The following NOX4 variants were observed in gnomAD, a reference collection of about 807,000 sequenced individuals.
NOX4 encodes the protein NADPH oxidase 4, also known as kidney oxidase-1.
NOX4 carries 69 observed loss-of-function variants against 87.6 expected under a neutral mutation model. The ratio of observed to expected loss-of-function variants is 0.79; its 90% CI spans 0.65 to 0.96. NOX4 has a LOEUF of 0.96. Among genes scored for constraint, NOX4 ranks in the 40% least tolerant of loss-of-function variants. NOX4 has a pLI of 0.00. For missense variants in NOX4, 680 were observed against 681.5 expected (o/e 1.00, Z 0.02); for synonymous variants, 275 against 238.2 (o/e 1.15, Z -1.42).
chr11:89,432,353 A>G (rs564657908), intron 7 of NOX4, among the ~76,000 whole-genome samples: 2 of 152,008 alleles, frequency 1.3e-5, no homozygotes, highest in Admixed American at 1.3e-4. Context: ...GTATAATAAT[A>G]AAAAAATAAA....
chr11:89,520,833 G>A, the NOX4 span, among the ~76,000 whole-genome samples: 1 of 152,062 alleles, frequency 6.6e-6, no homozygotes, highest in Non-Finnish European at 1.5e-5. Context: ...CTGATAAATG[G>A]CTTTAGTAAA....
the NOX4 span, among the ~76,000 whole-genome samples, chr11:89,514,563 T>C: frequency 6.8e-4 from 103 of 152,158 alleles, 2 homozygotes; most frequent in South Asian, 4.3e-3. Flanking sequence ...CAAGAACAGA[T>C]AACCTTGTCC....
chr11:89,472,005 G>A (rs1470556666), intron 2 of NOX4, among the ~76,000 whole-genome samples: 1 of 152,254 alleles, frequency 6.6e-6, no homozygotes, highest in African/African-American at 2.4e-5. Flanking sequence ...GCCTCCCTAA[G>A]TTCTGGGTTT....
intron 2 of NOX4, among the ~76,000 whole-genome samples, chr11:89,474,974 G>A (rs1427425909): frequency 7.1e-6 from 1 of 141,616 alleles, no homozygotes; most frequent in African/African-American, 2.5e-5. Context: ...CAGTTTATAA[G>A]TCAGTAAATA....
At chr11:89,396,122 C>T (rs748355792) in intron 11 of NOX4, among the ~76,000 whole-genome samples, 2 of 152,222 alleles carry the variant, frequency 1.3e-5, no homozygotes, top group East Asian at 3.9e-4. Context: ...GATATTGATT[C>T]TTCCTGTCCA....
intron 11 of NOX4, among the ~76,000 whole-genome samples, chr11:89,374,385 AC>A (rs989589557): frequency 3.9e-5 from 6 of 152,150 alleles, no homozygotes; most frequent in Non-Finnish European, 8.8e-5. Context: ...AAATATGCAT[AC>A]CTTTTAAAGT....
chr11:89,364,488 C>T (rs189917740), intron 12 of NOX4, among the ~76,000 whole-genome samples: 2 of 151,900 alleles, frequency 1.3e-5, no homozygotes, highest in Admixed American at 6.6e-5. Flanking sequence ...ATCTTTTTTG[C>T]AAATATTAAG....
chr11:89,381,680 C>T (rs1940293949), intron 11 of NOX4, among the ~76,000 whole-genome samples: 1 of 136,716 alleles, frequency 7.3e-6, no homozygotes, highest in Admixed American at 8.0e-5. Flanking sequence ...AAATTTGGTG[C>T]TGTGATTTGG....
chr11:89,395,515 C>T (rs1314019767), intron 11 of NOX4, among the ~76,000 whole-genome samples: 3 of 152,084 alleles, frequency 2.0e-5, no homozygotes, highest in Non-Finnish European at 2.9e-5. Context: ...TAATTAGATC[C>T]CATTTGCCTA....
chr11:89,450,282 T>C (rs1462912748), intron 3 of NOX4, among the ~76,000 whole-genome samples: 1 of 152,206 alleles, frequency 6.6e-6, no homozygotes, highest in Non-Finnish European at 1.5e-5. Flanking sequence ...AATATAATTA[T>C]GTAGAAAGGG....
chr11:89,458,833 G>C (rs753117934), intron 2 of NOX4, among the ~76,000 whole-genome samples: 2 of 152,050 alleles, frequency 1.3e-5, no homozygotes, highest in Non-Finnish European at 2.9e-5. Context: ...CAGAGAAAAG[G>C]GAACACTTAC....
At chr11:89,485,198 A>C (rs569771948) in intron 2 of NOX4, among the ~76,000 whole-genome samples, 1 of 152,282 alleles carries the variant, frequency 6.6e-6, no homozygotes, top group Non-Finnish European at 1.5e-5. Flanking sequence ...CCAGTGTTTC[A>C]CTAGAAAGAA....
chr11:89,573,775 G>T, the NOX4 span, among the ~76,000 whole-genome samples: 1 of 152,166 alleles, frequency 6.6e-6, no homozygotes, highest in Non-Finnish European at 1.5e-5. Flanking sequence ...AACAAGTGTC[G>T]CATTCAGCTG....
chr11:89,526,657 G>A, the NOX4 span, among the ~76,000 whole-genome samples: 7 of 152,116 alleles, frequency 4.6e-5, no homozygotes, highest in East Asian at 1.4e-3. Flanking sequence ...TTTTTAAGGG[G>A]CTCTTCCCTG....
chr11:89,553,326 G>A, the NOX4 span, among the ~76,000 whole-genome samples: 1 of 152,068 alleles, frequency 6.6e-6, no homozygotes, highest in African/African-American at 2.4e-5. Context: ...ACAGGATCTG[G>A]TTGTTTGATA....
intron 17 of NOX4, among the ~76,000 whole-genome samples, chr11:89,330,877 CAGAT>C (rs1481175670): frequency 1.3e-5 from 2 of 151,836 alleles, no homozygotes; most frequent in Non-Finnish European, 2.9e-5. Flanking sequence ...ACTGTAAAGA[CAGAT>C]AAATTCATAA....
chr11:89,405,048 G>T (rs1942090406), intron 8 of NOX4, among the ~76,000 whole-genome samples: 1 of 139,504 alleles, frequency 7.2e-6, no homozygotes, highest in Non-Finnish European at 1.5e-5. Flanking sequence ...GGTAGGCATT[G>T]TAAAAGGGGT....
the NOX4 span, among the ~76,000 whole-genome samples, chr11:89,552,161 T>C: frequency 1.3e-5 from 2 of 152,206 alleles, no homozygotes; most frequent in Non-Finnish European, 2.9e-5. Flanking sequence ...CCTGTAGTTT[T>C]AAAAACACTA....
the NOX4 span, among the ~76,000 whole-genome samples, chr11:89,513,670 A>G: frequency 1.2e-4 from 19 of 152,030 alleles, no homozygotes; most frequent in Non-Finnish European, 2.9e-5. Flanking sequence ...TATTTGACAT[A>G]AATATGGCAT....
Sources: gnomAD v4.1 joint callset for allele counts (sites outside exome capture counted in the v4.1 genomes callset) on GRCh38, gnomAD v4.1.1 for gene constraint, MANE v1.5 for transcripts, NCBI Gene and HGNC (gene_info 2026-07-23, HGNC 2026-07-21) for gene names.